Variants in SBNO1 observed in about 807,000 individuals in gnomAD.
The protein encoded by SBNO1 is strawberry notch homolog 1, also known as protein strawberry notch homolog 1.
A neutral mutation model predicts 173.6 loss-of-function variants in SBNO1; 23 were observed. The observed-to-expected ratio is 0.13, with a 90% CI of 0.10 to 0.19. SBNO1 has a LOEUF of 0.19. Ranked by LOEUF, SBNO1 falls within the 10% of genes least tolerant of loss-of-function variation. SBNO1 has a pLI of 1.00. For synonymous variants in SBNO1, 632 were observed against 571.5 expected (o/e 1.11, Z -1.51); for missense variants, 1,238 against 1,671.2 (o/e 0.74, Z 4.52).
chr12:123,342,210 A>G (rs1027316615), intron 4 of SBNO1, among the ~76,000 whole-genome samples: 2 of 152,128 alleles, frequency 1.3e-5, no homozygotes, highest in Admixed American at 1.3e-4. Context: ...AGATTGCATC[A>G]TTGAACTCCA....
intron 30 of SBNO1, among the ~76,000 whole-genome samples, chr12:123,299,332 C>T (rs1472849016): frequency 5.3e-5 from 8 of 150,480 alleles, no homozygotes; most frequent in Non-Finnish European, 1.2e-4. Flanking sequence ...CGTGCCACTG[C>T]ACTCCAGCCT....
intron 1 of SBNO1, among the ~76,000 whole-genome samples, chr12:123,355,558 C>T (rs569150116): frequency 8.6e-5 from 13 of 151,914 alleles, no homozygotes; most frequent in African/African-American, 3.1e-4. Context: ...GAGCCAAGAT[C>T]GCAGCACTGC....
chr12:123,333,317 C>T (rs1207535116), intron 7 of SBNO1, among the ~76,000 whole-genome samples: 1 of 152,038 alleles, frequency 6.6e-6, no homozygotes, highest in South Asian at 2.1e-4. Context: ...AAAGCCCACA[C>T]AACACCCCAC....
At chr12:123,298,979 T>C (rs898412436) in intron 30 of SBNO1, among the ~76,000 whole-genome samples, 3 of 152,138 alleles carry the variant, frequency 2.0e-5, no homozygotes, top group African/African-American at 7.2e-5. Context: ...CCCCAGCACT[T>C]TGGGAGGCTG....
At chr12:123,299,886 C>CT (rs2048729858) in intron 30 of SBNO1, among the ~76,000 whole-genome samples, 1 of 151,782 alleles carries the variant, frequency 6.6e-6, no homozygotes, top group Admixed American at 6.6e-5. Flanking sequence ...CAAGCAATAC[C>CT]TGTGAAAAGA....
At position 123,296,017 on chromosome 12, in the gene SBNO1, AGAG is replaced by A; in HGVS notation, c.4070_4072del (p.Pro1357del). ...GTCTGAAGTTGATAGGAGATTTACAAGAGGAGACACACAATTTGCCGGAATGAT... is the reference window on the plus strand; with the variant it reads ...GTCTGAAGTTGATAGGAGATTTACAAGAGACACACAATTTGCCGGAATGAT... On this transcript the variant is annotated inframe_deletion, in exon 32 of 32. Coordinates refer to ENST00000602398, the MANE Select transcript of SBNO1 (RefSeq NM_001167856.3). 1.2e-6 allele frequency: 2 copies of A among 1,613,952 alleles called. No individual in the cohort carries two copies. The highest frequency in any genetic ancestry group is 1.7e-6 in the Non-Finnish European group (2 of 1,179,822).
chr12:123,297,870 G>A, intron 31 of SBNO1, 108 bp downstream of exon 31: 1 of 979,154 alleles, frequency 1.0e-6, no homozygotes. Flanking sequence ...ACCCACTACT[G>A]GAAGAGATGT....
In SBNO1 at chr12:123,309,443, T is replaced by C. The variant is rs375542859; in HGVS notation, c.3538-41A>G. The C allele has an allele frequency of 1.9e-6, 3 of 1,599,262 alleles. No individual in the cohort carries two copies. The South Asian group carries it at 3.3e-5, about 18-fold the overall frequency. The stretch of plus-strand genomic sequence containing the variant: ...CGAAATTTAAACTCATTTCTGTAAA[T>C]GCATCTCATGGGAAGACGATACTTC... On this transcript the variant is annotated intron_variant, in intron 27 of 31. Coordinates refer to ENST00000602398, the MANE Select transcript of SBNO1 (RefSeq NM_001167856.3).
rs942301776 is a variant in SBNO1, at chr12:123,309,521, A to G, written c.3505T>C (p.Tyr1169His). 1 of 1,613,992 alleles carries G rather than the reference A, an allele frequency of 6.2e-7. No individual in the cohort carries two copies. Among genetic ancestry groups the G allele is most frequent in the Non-Finnish European group, 8.5e-7 (1 of 1,179,812 alleles). Residue 1169 changes from tyrosine to histidine, a missense_variant, in exon 27 of 32, where the codon TAT (tyrosine) becomes CAT (histidine). Tyr to His is a moderately conservative substitution (Grantham distance 83). Around this residue, in one of 14 missense-constraint regions of SBNO1, gnomAD observed 351 missense variants for 420.3 expected, o/e 0.84. Transcript: ENST00000602398. ...SDVKKFLTPG[Y>H]STSGHVELYT... The stretch of plus-strand genomic sequence containing the variant: ...AATTCTACGTGGCCAGAGGTTGAAT[A>G]TCCTGGAGTCAGAAACTTTTTAACA...
chr12:123,323,122 G>A (rs1870195616), intron 16 of SBNO1, among the ~76,000 whole-genome samples: 1 of 152,126 alleles, frequency 6.6e-6, no homozygotes, highest in Non-Finnish European at 1.5e-5. Flanking sequence ...ACCTCTGCCA[G>A]GTTATATGGT....
At chr12:123,362,411 G>C (rs1875396717) in intron 1 of SBNO1, among the ~76,000 whole-genome samples, 1 of 118,148 alleles carries the variant, frequency 8.5e-6, no homozygotes, top group Non-Finnish European at 1.6e-5. Context: ...ACTCCAGCCT[G>C]GGCCACTGAG....
At chr12:123,320,345 A>G in intron 19 of SBNO1, 87 bp downstream of exon 19, 5 of 1,237,486 alleles carry the variant, frequency 4.0e-6, no homozygotes, top group Non-Finnish European at 4.5e-6. Flanking sequence ...AGAAATTTAG[A>G]TTATTATGTG....
At chr12:123,300,980 CAAAAAAAAAA>C (rs367678762) in intron 30 of SBNO1, among the ~76,000 whole-genome samples, 10,015 of 139,990 alleles carry the variant, frequency 0.072, 422 homozygotes, top group Non-Finnish European at 0.11. Context: ...CAAAAAAAAA[CAAAAAAAAAA>C]CCCAAGTTAG....
intron 1 of SBNO1, among the ~76,000 whole-genome samples, chr12:123,355,321 G>T (rs1335496645): frequency 6.7e-6 from 1 of 149,884 alleles, no homozygotes; most frequent in Non-Finnish European, 1.5e-5. Context: ...GCCCAGCTGA[G>T]ACCCTGTTTC....
intron 1 of SBNO1, among the ~76,000 whole-genome samples, chr12:123,359,727 A>G (rs1874906839): frequency 6.6e-6 from 1 of 152,138 alleles, no homozygotes; most frequent in East Asian, 1.9e-4. Context: ...ACCATATCTT[A>G]TTCATAAAAG....
intron 21 of SBNO1, among the ~76,000 whole-genome samples, chr12:123,316,987 C>T (rs1422704632): frequency 6.6e-6 from 1 of 152,068 alleles, no homozygotes; most frequent in African/African-American, 2.4e-5. Flanking sequence ...CAGGCACGAG[C>T]CACTGCTCTC....
At chr12:123,299,044 G>A (rs573873903) in intron 30 of SBNO1, among the ~76,000 whole-genome samples, 1 of 152,054 alleles carries the variant, frequency 6.6e-6, no homozygotes, top group Non-Finnish European at 1.5e-5. Flanking sequence ...CCAACGTGGA[G>A]AAACCTCATT....
intron 13 of SBNO1, 91 bp from the exon 14 acceptor site, chr12:123,326,425 G>T: frequency 1.4e-6 from 1 of 704,974 alleles, no homozygotes. Context: ...TTAAGTGCAA[G>T]ACCATTTAAT....
intron 28 of SBNO1, 48 bp downstream of exon 28, chr12:123,309,262 A>G (rs2048997355): frequency 1.5e-6 from 2 of 1,343,560 alleles, no homozygotes; most frequent in Non-Finnish European, 2.1e-6. Flanking sequence ...AATGCTGGCC[A>G]TTAAAAAGTA....
Sources: gnomAD v4.1 joint callset for allele counts (sites outside exome capture counted in the v4.1 genomes callset) on GRCh38, gnomAD v4.1.1 for gene constraint, gnomAD v4.1.1 regional missense constraint, MANE v1.5 for transcripts, NCBI Gene and HGNC (gene_info 2026-07-23, HGNC 2026-07-21) for gene names.